Variants in RBM20 observed in about 807,000 individuals in gnomAD.
The protein encoded by RBM20 is RNA binding motif protein 20, also known as RNA-binding protein 20.
A neutral mutation model predicts 110.1 loss-of-function variants in RBM20; 51 were observed. The observed-to-expected ratio is 0.46, with a 90% confidence interval of 0.37 to 0.59. The LOEUF is 0.59. Ranked by LOEUF, RBM20 falls within the 20% of genes least tolerant of loss-of-function variation. The pLI is 0.00. For synonymous variants in RBM20, 589 were observed against 618.2 expected (o/e 0.95, Z 0.70); for missense variants, 1,512 against 1,574.9 (o/e 0.96, Z 0.68).
At chr10:110,808,830 C>A (rs1207603302) in intron 7 of RBM20, among the ~76,000 whole-genome samples, 1 of 152,126 alleles carries the variant, frequency 6.6e-6, no homozygotes, top group Non-Finnish European at 1.5e-5. Context: ...GCACTCATAC[C>A]ATGCTAGGCC....
rs1021465138 is a variant in RBM20, at chr10:110,781,675, A to C, written c.1066A>C (p.Thr356Pro). The change falls in exon 2 of 14, where the codon ACC becomes CCC. Residue 356 changes from threonine (T) to proline (P), a missense_variant. Around this residue, in one of 3 missense-constraint regions of RBM20, gnomAD observed 1,149 missense variants for 1,169.4 expected, o/e 0.98. Coordinates refer to ENST00000369519, the MANE Select transcript of RBM20 (RefSeq NM_001134363.3). ...PYELYDPEEP[T>P]SDRTPPSFGG... is the part of the protein sequence containing the mutation. ...TGAGCTGTACGACCCCGAGGAACCA[A>C]CCTCAGACAGGACACCTCCTTCCTT... The C allele has an allele frequency of 7.1e-6, 11 of 1,548,934 alleles. No homozygotes were observed. In the African/African-American group the frequency reaches 1.4e-4, roughly 19 times the overall value.
chr10:110,767,263 G>T (rs368849270), intron 1 of RBM20, among the ~76,000 whole-genome samples: 11,303 of 128,148 alleles, frequency 0.088, 412 homozygotes, highest in African/African-American at 0.11. Context: ...GGGCAGAGGG[G>T]CTCCTCACTT....
chr10:110,793,622 C>A (rs999021934), intron 5 of RBM20, among the ~76,000 whole-genome samples: 3 of 152,184 alleles, frequency 2.0e-5, no homozygotes, highest in African/African-American at 7.2e-5. Flanking sequence ...GTTACATCTC[C>A]GTATTTGCCT....
intron 1 of RBM20, among the ~76,000 whole-genome samples, chr10:110,761,420 C>T (rs1191412181): frequency 6.6e-6 from 1 of 152,206 alleles, no homozygotes; most frequent in African/African-American, 2.4e-5. Flanking sequence ...TTAGATTTAA[C>T]ATTAAATAGT....
chr10:110,731,747 G>T (rs1409604802), intron 1 of RBM20, among the ~76,000 whole-genome samples: 1 of 152,250 alleles, frequency 6.6e-6, no homozygotes, highest in East Asian at 1.9e-4. Context: ...AAAGGCAAAA[G>T]CTGCATTTTT....
At chr10:110,744,270 G>A (rs1034572123) in intron 1 of RBM20, among the ~76,000 whole-genome samples, 3 of 152,186 alleles carry the variant, frequency 2.0e-5, no homozygotes, top group African/African-American at 7.2e-5. Context: ...GGATGCCTGT[G>A]GTTTCTGTCA....
chr10:110,833,371 G>A (rs567283453), intron 13 of RBM20, among the ~76,000 whole-genome samples: 5 of 92,198 alleles, frequency 5.4e-5, no homozygotes, highest in Admixed American at 1.7e-4. Context: ...CCTGGGTGAC[G>A]GAGCGAAACT....
Position 110,797,489 on chromosome 10 carries a change from T to C in RBM20, c.1528-19T>C. On this transcript the variant is annotated intron_variant, in intron 5 of 13. Coordinates refer to ENST00000369519, the MANE Select transcript of RBM20 (RefSeq NM_001134363.3). ...GGAACCGTCTTCTGAATACCACTAATGATCTTTGTTCCCATTAGTTTGCAC... is the reference window on the plus strand; with the variant it reads ...GGAACCGTCTTCTGAATACCACTAACGATCTTTGTTCCCATTAGTTTGCAC... 2 of 1,537,228 alleles carry C rather than the reference T, an allele frequency of 1.3e-6. No homozygotes were observed.
chr10:110,658,266 A>G (rs1862053703), intron 1 of RBM20, among the ~76,000 whole-genome samples: 1 of 152,172 alleles, frequency 6.6e-6, no homozygotes, highest in Non-Finnish European at 1.5e-5. Flanking sequence ...GAGCAGGGGA[A>G]ACTTACACAC....
intron 13 of RBM20, among the ~76,000 whole-genome samples, chr10:110,832,511 A>G (rs1159329565): frequency 6.6e-6 from 1 of 152,186 alleles, no homozygotes; most frequent in African/African-American, 2.4e-5. Context: ...AAGTTCTCCA[A>G]AAGATTCAAA....
At chr10:110,820,702 C>G (rs1156599955) in intron 10 of RBM20, among the ~76,000 whole-genome samples, 1 of 152,256 alleles carries the variant, frequency 6.6e-6, no homozygotes, top group East Asian at 1.9e-4. Flanking sequence ...ATCTTCGTGC[C>G]TTTCCGGTCA....
rs1554842740 is a variant in RBM20, at chr10:110,812,593, C to T, written c.2196C>T (p.Pro732=). The change falls in exon 9 of 14, where the codon CCC becomes CCT. Residue 732 remains proline (P), a synonymous_variant. Transcript: ENST00000369519. ...ELDERPEGGR[P]HREKYPRSGS... is the part of the protein sequence containing the mutation. ...ACGAGCGACCAGAAGGAGGGAGGCC[C>T]CACCGGGAGAAGTACCCGAGATCTG... The T allele has an allele frequency of 3.2e-6, 5 of 1,551,706 alleles. No individual in the cohort carries two copies. Among genetic ancestry groups the T allele is most frequent in the East Asian group, 2.4e-5 (1 of 40,920 alleles).
At chr10:110,742,173 G>A (rs1338749351) in intron 1 of RBM20, among the ~76,000 whole-genome samples, 4 of 152,148 alleles carry the variant, frequency 2.6e-5, no homozygotes, top group African/African-American at 7.2e-5. Context: ...GATGTTCTGC[G>A]ATTCTGCCAG....
At chr10:110,697,488 G>T (rs906839095) in intron 1 of RBM20, among the ~76,000 whole-genome samples, 1 of 152,268 alleles carries the variant, frequency 6.6e-6, no homozygotes, top group African/African-American at 2.4e-5. Flanking sequence ...TATGAGCCAG[G>T]CCCATGCCAA....
chr10:110,817,249 G>A (rs115917731), intron 9 of RBM20, among the ~76,000 whole-genome samples: 2,213 of 152,248 alleles, frequency 0.015, 57 homozygotes, highest in African/African-American at 0.051. Flanking sequence ...TTCTACAGCT[G>A]CCATGCAGGA....
At chr10:110,823,999 C>T (rs1923807) in intron 12 of RBM20, among the ~76,000 whole-genome samples, 81,941 of 151,532 alleles carry the variant, frequency 0.54, 22,387 homozygotes, top group East Asian at 0.65. Context: ...AGTGCTGGGA[C>T]TACAGGTGTG....
rs549783072 is a variant in RBM20 at position 110,767,203 on chromosome 10, G to A, written c.192-13598G>A. 2.9e-3 allele frequency among the ~76,000 whole-genome samples: 383 copies of A among 130,976 alleles called. 4 individuals carry two copies. Among genetic ancestry groups the A allele is most frequent in the Middle Eastern group, 8.5e-3 (2 of 236 alleles). 85.9% of individuals were successfully genotyped at this position (130,976 alleles called of 152,430 possible). A position where few individuals can be genotyped will look rare whatever the true frequency, so the allele number is the denominator to read the frequency against. On this transcript the variant is annotated intron_variant, in intron 1 of 13. Transcript: ENST00000369519. The stretch of plus-strand genomic sequence containing the variant: ...TCCCTCCCAGACGGGGCGGCTGGCC[G>A]GGCGGGGGGGCTGACCCCCCCACCT...
intron 1 of RBM20, among the ~76,000 whole-genome samples, chr10:110,757,189 T>C (rs530662345): frequency 3.3e-5 from 5 of 152,346 alleles, no homozygotes; most frequent in African/African-American, 1.2e-4. Context: ...GCTTTCTAAT[T>C]GCTTATTATT....
chr10:110,816,062 C>T (rs1844833343), intron 9 of RBM20, among the ~76,000 whole-genome samples: 1 of 152,178 alleles, frequency 6.6e-6, no homozygotes, highest in Admixed American at 6.5e-5. Flanking sequence ...GGCAACTGAA[C>T]TTGGGAATGA....
Sources: gnomAD v4.1 joint callset for allele counts (sites outside exome capture counted in the v4.1 genomes callset) on GRCh38, gnomAD v4.1.1 for gene constraint, gnomAD v4.1.1 regional missense constraint, MANE v1.5 for transcripts, NCBI Gene and HGNC (gene_info 2026-07-23, HGNC 2026-07-21) for gene names.